TBX5: variants seen among roughly 807,000 people sequenced by gnomAD.
The protein encoded by TBX5 is T-box transcription factor 5, also known as T-box transcription factor TBX5.
Under a neutral mutation model 51.1 loss-of-function variants are expected in TBX5, and 8 were observed. The ratio of observed to expected loss-of-function variants is 0.16; its 90% CI spans 0.09 to 0.28. The LOEUF (loss-of-function observed/expected upper bound fraction) is 0.28, where lower values mean the gene tolerates loss of function less well. TBX5 is among the 10% of genes least tolerant of loss of function. The pLI is 1.00. For missense variants in TBX5, 589 were observed against 671.7 expected, an observed-to-expected ratio of 0.88 and a Z score of 1.36; for synonymous variants, 302 against 266.4, an observed-to-expected ratio of 1.13 and a Z score of -1.30.
At chr12:114,397,897 C>T (rs1343785470) in intron 5 of TBX5, among the ~76,000 whole-genome samples, 2 of 152,200 alleles carry the variant, frequency 1.3e-5, no homozygotes, top group African/African-American at 2.4e-5. Context: ...CTCTCCCTCT[C>T]CCCTGGAACA....
Position 114,355,654 on chromosome 12 carries a change from G to C in TBX5, c.1435C>G (p.Pro479Ala). The C allele has an allele frequency of 1.2e-6, 2 of 1,614,192 alleles. No homozygotes were observed. The highest frequency in any genetic ancestry group is 1.7e-6 in the Non-Finnish European group (2 of 1,180,038). Residue 479 changes from proline to alanine, a missense_variant, in exon 9 of 9, where the codon CCT becomes GCT. Transcript: ENST00000405440. Reference protein sequence around the residue: ...QCGPQTGLQSPGTLQPPEFLY... With the variant: ...QCGPQTGLQSAGTLQPPEFLY... ...AACTCAGGGGGCTGAAGGGTGCCAG[G>C]GGACTGCAGGCCAGTCTGAGGCCCA... is the stretch of plus-strand genomic sequence containing the variant.
At chr12:114,388,318 T>G (rs1261949) in intron 6 of TBX5, among the ~76,000 whole-genome samples, 1 of 151,876 alleles carries the variant, frequency 6.6e-6, no homozygotes, top group Non-Finnish European at 1.5e-5. Context: ...CCACCACGCC[T>G]GAGTAATTTT....
In TBX5 at chr12:114,405,689, G is replaced by A. The variant is rs937943497; in HGVS notation, c.-100C>T. 1.5e-5 allele frequency: 15 copies of A among 985,316 alleles called. No homozygotes were observed. Among genetic ancestry groups the A allele is most frequent in the African/African-American group, 1.7e-5 (1 of 57,250 alleles). 61.0% of individuals were successfully genotyped at this position (985,316 alleles called of 1,614,324 possible). ...TGCTGCTCCTAGCAGGGAAGCCGGC[G>A]GTGAGGCGGGGGAGCAGGCATGGTG... On this transcript the variant is annotated 5_prime_UTR_variant, in exon 1 of 9. Transcript: ENST00000405440.
Position 114,394,840 on chromosome 12 carries a change from C to T in TBX5, c.564G>A (p.Ala188=), listed in dbSNP as rs745378130. Residue 188 remains alanine (A), a synonymous_variant, in exon 6 of 9, where the codon GCG becomes GCA. Transcript: ENST00000405440. The part of the protein sequence containing the change: ...KYQPRLHIVK[A]DENNGFGSKN... ...TTGAGCCAAATCCATTATTTTCATCCGCTTTCACGATGTGTAATCTAGGCT... is the reference window on the plus strand; with the variant it reads ...TTGAGCCAAATCCATTATTTTCATCTGCTTTCACGATGTGTAATCTAGGCT... 3.7e-5 allele frequency: 60 copies of T among 1,613,936 alleles called. No homozygotes were observed. Among genetic ancestry groups the T allele is most frequent in the Middle Eastern group, 1.6e-4 (1 of 6,084 alleles).
At chr12:114,403,064 G>T (rs1871929300) in intron 2 of TBX5, among the ~76,000 whole-genome samples, 1 of 152,258 alleles carries the variant, frequency 6.6e-6, no homozygotes, top group Non-Finnish European at 1.5e-5. Context: ...TGAGCGCCCA[G>T]TGCGTCCTGG....
Position 114,388,675 on chromosome 12 carries a change from C to CGTGTGT in TBX5, c.664-3114_664-3109dup, listed in dbSNP as rs59385091. ...TATTTTAAAATATTTTTAAAGTATC[C>CGTGTGT]GTGTGTGTGTGTGTGTGTGTGTGTG... On this transcript the variant is annotated intron_variant, in intron 6 of 8. Coordinates refer to ENST00000405440, the MANE Select transcript of TBX5 (RefSeq NM_181486.4). Among the ~76,000 whole-genome samples the CGTGTGT allele has an allele frequency of 8.3e-3, 1,028 of 124,360 alleles. 6 individuals carry two copies. Among genetic ancestry groups the CGTGTGT allele is most frequent in the African/African-American group, 9.8e-3 (324 of 32,938 alleles). The allele number at this position is 124,360 out of a possible 152,430, so 81.6% of individuals were successfully genotyped here. A position where few individuals can be genotyped will look rare whatever the true frequency, so the allele number is the denominator to read the frequency against.
intron 7 of TBX5, among the ~76,000 whole-genome samples, chr12:114,383,997 C>A (rs1159458119): frequency 6.6e-6 from 1 of 152,130 alleles, no homozygotes; most frequent in Non-Finnish European, 1.5e-5. Flanking sequence ...GCACTCTGAG[C>A]CCAGGGCCGT....
intron 6 of TBX5, among the ~76,000 whole-genome samples, chr12:114,387,767 AG>A (rs1230136073): frequency 2.6e-5 from 4 of 152,172 alleles, no homozygotes; most frequent in Non-Finnish European, 5.9e-5. Context: ...GGTGGGGAGA[AG>A]CTATAGGGGA....
At chr12:114,397,084 G>C (rs1428195863) in intron 5 of TBX5, among the ~76,000 whole-genome samples, 1 of 152,176 alleles carries the variant, frequency 6.6e-6, no homozygotes, top group Non-Finnish European at 1.5e-5. Context: ...GGACTTCAGT[G>C]CTTCAGCCCC....
chr12:114,397,381 C>T (rs1362952773), intron 5 of TBX5, among the ~76,000 whole-genome samples: 1 of 152,202 alleles, frequency 6.6e-6, no homozygotes, highest in Non-Finnish European at 1.5e-5. Context: ...TCCCGTCCGC[C>T]CCCTAGGCTG....
At chr12:114,371,458 G>A (rs925254463) in intron 7 of TBX5, among the ~76,000 whole-genome samples, 1 of 152,080 alleles carries the variant, frequency 6.6e-6, no homozygotes, top group Non-Finnish European at 1.5e-5. Context: ...TGAAATCCAC[G>A]GCCAAACTGC....
intron 7 of TBX5, among the ~76,000 whole-genome samples, chr12:114,381,881 C>T (rs1301853936): frequency 1.3e-5 from 2 of 152,210 alleles, no homozygotes; most frequent in African/African-American, 4.8e-5. Context: ...CAACTGCTAA[C>T]ATGGCCACAA....
intron 7 of TBX5, among the ~76,000 whole-genome samples, chr12:114,371,602 T>C (rs1487243330): frequency 1.3e-5 from 2 of 150,724 alleles, no homozygotes; most frequent in Non-Finnish European, 3.0e-5. Context: ...TTTTTTTTTT[T>C]TTTTCCTGGT....
At chr12:114,402,397 T>C (rs931399049) in intron 2 of TBX5, among the ~76,000 whole-genome samples, 3 of 152,178 alleles carry the variant, frequency 2.0e-5, no homozygotes, top group Non-Finnish European at 4.4e-5. Context: ...ACTCAGAATA[T>C]TCTCATGTAG....
chr12:114,398,627 G>C lies in TBX5; in HGVS notation c.456C>G (p.Leu152=), dbSNP rs775748269. 1.2e-6 allele frequency: 2 copies of C among 1,613,632 alleles called. No homozygotes were observed. The highest frequency in any genetic ancestry group is 1.7e-6 in the Non-Finnish European group (2 of 1,179,872). The change falls in exon 5 of 9, where the codon CTC becomes CTG. Residue 152 remains leucine (L), a synonymous_variant. Coordinates refer to ENST00000405440, the MANE Select transcript of TBX5 (RefSeq NM_181486.4). ...TGAGCTTGAGTTTCTGGAAGGAGACGAGCTGCCTCATCCAATGCGCCCCGG... is the reference window on the plus strand; with the variant it reads ...TGAGCTTGAGTTTCTGGAAGGAGACCAGCTGCCTCATCCAATGCGCCCCGG... The part of the protein sequence containing the change: ...PATGAHWMRQ[L]VSFQKLKLTN...
At position 114,385,433 on chromosome 12, in the gene TBX5, G is replaced by A. The variant is rs1291209860; in HGVS notation, c.755+43C>T. 2.5e-6 allele frequency: 4 copies of A among 1,568,926 alleles called. No homozygotes were observed. The Admixed American group carries it at 5.0e-5, about 20-fold the overall frequency. The stretch of plus-strand genomic sequence containing the variant: ...CTGCTGGCTTACCTGGGTAATTTGA[G>A]GGGTATGTGGGGAGGAGAAAGTTGA... On this transcript the variant is annotated intron_variant, in intron 7 of 8. Transcript: ENST00000405440.
At chr12:114,400,982 C>G (rs1214949282) in intron 3 of TBX5, among the ~76,000 whole-genome samples, 2 of 152,174 alleles carry the variant, frequency 1.3e-5, no homozygotes, top group Non-Finnish European at 2.9e-5. Flanking sequence ...GCTCCACACG[C>G]CTGCTCGGGG....
At chr12:114,384,298 C>T (rs944070161) in intron 7 of TBX5, among the ~76,000 whole-genome samples, 2 of 150,766 alleles carry the variant, frequency 1.3e-5, no homozygotes, top group African/African-American at 4.9e-5. Flanking sequence ...TATTTGGAGA[C>T]AGGGTCTTGC....
At chr12:114,388,112 G>A (rs1233305771) in intron 6 of TBX5, among the ~76,000 whole-genome samples, 2 of 151,952 alleles carry the variant, frequency 1.3e-5, no homozygotes, top group Admixed American at 6.6e-5. Context: ...GCCTCCCAAA[G>A]TACAGGGATT....
Sources: gnomAD v4.1 joint callset for allele counts (sites outside exome capture counted in the v4.1 genomes callset) on GRCh38, gnomAD v4.1.1 for gene constraint, MANE v1.5 for transcripts, NCBI Gene and HGNC (gene_info 2026-07-23, HGNC 2026-07-21) for gene names.